The following MACROD2 variants were observed in gnomAD, a reference collection of about 807,000 sequenced individuals.
The protein encoded by MACROD2 is mono-ADP ribosylhydrolase 2.
In MACROD2, 36 loss-of-function variants were observed where a neutral mutation model predicts 70.4. The observed-to-expected ratio is 0.51, with a 90% CI of 0.39 to 0.68. MACROD2 has a LOEUF of 0.68. Ranked by LOEUF, MACROD2 falls within the 30% of genes least tolerant of loss-of-function variation. The pLI, the probability that MACROD2 is intolerant of heterozygous loss-of-function variation, is 0.00. For synonymous variants in MACROD2, 172 were observed against 178.8 expected (o/e 0.96, Z 0.30); for missense variants, 496 against 538.4 (o/e 0.92, Z 0.78).
intron 8 of MACROD2, among the ~76,000 whole-genome samples, chr20:15,853,511 GA>G: frequency 6.6e-6 from 1 of 152,166 alleles, no homozygotes; most frequent in East Asian, 1.9e-4. Flanking sequence ...AGATGTGGAG[GA>G]AGTCAGAGAA....
At chr20:14,983,510 G>A (rs1027153847) in intron 5 of MACROD2, among the ~76,000 whole-genome samples, 7 of 152,074 alleles carry the variant, frequency 4.6e-5, no homozygotes, top group Middle Eastern at 3.4e-3. Flanking sequence ...TCATGGGGGC[G>A]GGTCTTTCCT....
At chr20:14,753,882 C>T (rs2071907094) in intron 5 of MACROD2, among the ~76,000 whole-genome samples, 1 of 152,032 alleles carries the variant, frequency 6.6e-6, no homozygotes. Flanking sequence ...TATCCATCCC[C>T]TAAAACACCA....
At chr20:14,494,280 CTTTCTTGCTCTTTCTTT>C (rs2084827831) in intron 4 of MACROD2, among the ~76,000 whole-genome samples, 3 of 152,008 alleles carry the variant, frequency 2.0e-5, no homozygotes, top group African/African-American at 7.2e-5. Flanking sequence ...TTCTCCCTTC[CTTTCTTGCTCTTTCTTT>C]TTTCTTACAC....
chr20:14,362,877 T>C (rs1306458753), intron 3 of MACROD2, among the ~76,000 whole-genome samples: 2 of 152,192 alleles, frequency 1.3e-5, no homozygotes, highest in Admixed American at 1.3e-4. Flanking sequence ...GCGATGACTT[T>C]TGAGTATTCT....
chr20:14,993,799 G>A (rs1205863553), intron 5 of MACROD2, among the ~76,000 whole-genome samples: 2 of 152,190 alleles, frequency 1.3e-5, no homozygotes, highest in Non-Finnish European at 2.9e-5. Context: ...AAATCTGAAA[G>A]AGAAGTTGAA....
intron 3 of MACROD2, among the ~76,000 whole-genome samples, chr20:14,253,521 A>G (rs182711189): frequency 1.3e-5 from 2 of 152,208 alleles, no homozygotes; most frequent in African/African-American, 4.8e-5. Flanking sequence ...CTAAGATTTT[A>G]AACTATATTT....
chr20:14,953,593 C>T (rs1352679069), intron 5 of MACROD2, among the ~76,000 whole-genome samples: 1 of 152,146 alleles, frequency 6.6e-6, no homozygotes, highest in Non-Finnish European at 1.5e-5. Context: ...GCGTAAGCCA[C>T]CGTGCCCGGC....
intron 5 of MACROD2, among the ~76,000 whole-genome samples, chr20:14,806,811 A>G (rs1013745275): frequency 2.0e-5 from 3 of 152,064 alleles, no homozygotes; most frequent in African/African-American, 7.2e-5. Flanking sequence ...TCACACTGTA[A>G]ACAAAGCTGC....
chr20:15,036,705 C>A (rs34708015), intron 5 of MACROD2, among the ~76,000 whole-genome samples: 7 of 152,056 alleles, frequency 4.6e-5, no homozygotes, highest in African/African-American at 1.7e-4. Flanking sequence ...AACTCACCAT[C>A]ATCTTTCTAT....
At chr20:14,483,463 A>G (rs1021231370) in intron 3 of MACROD2, among the ~76,000 whole-genome samples, 3 of 151,594 alleles carry the variant, frequency 2.0e-5, no homozygotes, top group African/African-American at 7.3e-5. Flanking sequence ...CTGGAGTGCA[A>G]TGGGGCGATC....
intron 3 of MACROD2, among the ~76,000 whole-genome samples, chr20:14,473,742 C>T (rs955557888): frequency 6.6e-6 from 1 of 152,188 alleles, no homozygotes; most frequent in Admixed American, 6.5e-5. Context: ...TCTATGATAG[C>T]TTAACTACTT....
intron 4 of MACROD2, among the ~76,000 whole-genome samples, chr20:14,600,718 C>T (rs1982443124): frequency 6.6e-6 from 1 of 152,190 alleles, no homozygotes; most frequent in Non-Finnish European, 1.5e-5. Context: ...AACGTTAGTT[C>T]ATGTTGCCTC....
chr20:15,024,267 C>A (rs893195300), intron 5 of MACROD2, among the ~76,000 whole-genome samples: 9 of 152,052 alleles, frequency 5.9e-5, no homozygotes, highest in African/African-American at 2.2e-4. Context: ...CTTAAAATTT[C>A]TCTTTGAGGT....
intron 3 of MACROD2, among the ~76,000 whole-genome samples, chr20:14,365,222 T>C (rs1379817607): frequency 6.6e-6 from 1 of 152,136 alleles, no homozygotes. Flanking sequence ...TAGGAATTTG[T>C]TCATTTTATC....
intron 6 of MACROD2, among the ~76,000 whole-genome samples, chr20:15,395,063 A>T (rs1172506812): frequency 6.6e-6 from 1 of 152,218 alleles, no homozygotes; most frequent in Non-Finnish European, 1.5e-5. Context: ...TTGGATGGGC[A>T]ATGAAGAAAG....
chr20:15,918,001 G>A (rs899497309), intron 10 of MACROD2, among the ~76,000 whole-genome samples: 4 of 152,022 alleles, frequency 2.6e-5, no homozygotes, highest in Admixed American at 2.6e-4. Flanking sequence ...GGTCCTACAT[G>A]AAAACTGTGC....
At chr20:15,193,277 A>G (rs2076583815) in intron 5 of MACROD2, among the ~76,000 whole-genome samples, 1 of 152,204 alleles carries the variant, frequency 6.6e-6, no homozygotes, top group South Asian at 2.1e-4. Flanking sequence ...TTAACTTGGC[A>G]GAAAGAGCCA....
intron 4 of MACROD2, among the ~76,000 whole-genome samples, chr20:14,503,400 G>A (rs1001105962): frequency 6.6e-6 from 1 of 152,138 alleles, no homozygotes; most frequent in Non-Finnish European, 1.5e-5. Context: ...GTCTGAAAGG[G>A]TGACCCAAGT....
intron 5 of MACROD2, among the ~76,000 whole-genome samples, chr20:14,851,825 C>T (rs1284620392): frequency 6.6e-6 from 1 of 152,160 alleles, no homozygotes; most frequent in African/African-American, 2.4e-5. Context: ...AAAACAGTGT[C>T]ATAAAGCAGC....
Sources: gnomAD v4.1 joint callset for allele counts (sites outside exome capture counted in the v4.1 genomes callset) on GRCh38, gnomAD v4.1.1 for gene constraint, MANE v1.5 for transcripts, NCBI Gene and HGNC (gene_info 2026-07-23, HGNC 2026-07-21) for gene names.